The following KMT2A variants were observed in gnomAD, a reference collection of about 807,000 sequenced individuals.
KMT2A encodes the protein lysine methyltransferase 2A.
In KMT2A, 16 loss-of-function variants were observed where a neutral mutation model predicts 345.3. That is an observed-to-expected ratio of 0.05 (90% CI 0.03 to 0.07). The LOEUF is 0.07. Among genes scored for constraint, KMT2A ranks in the 10% least tolerant of loss-of-function variants. The pLI, the probability that KMT2A is intolerant of heterozygous loss-of-function variation, is 1.00. For missense variants in KMT2A, 3,272 were observed against 4,841.6 expected, an observed-to-expected ratio of 0.68 and a Z score of 9.62; for synonymous variants, 1,599 against 1,778.6, an observed-to-expected ratio of 0.90 and a Z score of 2.54.
intron 1 of KMT2A, among the ~76,000 whole-genome samples, chr11:118,447,410 A>C (rs1318101683): frequency 1.3e-5 from 2 of 152,252 alleles, no homozygotes; most frequent in Admixed American, 6.5e-5. Context: ...GGAGAACTTA[A>C]GACTACGAAC....
intron 10 of KMT2A, among the ~76,000 whole-genome samples, chr11:118,485,413 A>G (rs1555040600): frequency 6.6e-6 from 1 of 152,236 alleles, no homozygotes; most frequent in Non-Finnish European, 1.5e-5. Flanking sequence ...TCACAAAATT[A>G]GAAATAAATA....
intron 1 of KMT2A, among the ~76,000 whole-genome samples, chr11:118,463,340 GTCAA>G (rs1949782811): frequency 6.6e-6 from 1 of 152,150 alleles, no homozygotes; most frequent in African/African-American, 2.4e-5. Flanking sequence ...TGCTTGAGCT[GTCAA>G]TCATTGTAGC....
At position 118,436,923 on chromosome 11, in the gene KMT2A, C is replaced by T; in HGVS notation, c.411C>T (p.Gly137=). Residue 137 remains glycine, a synonymous_variant, in exon 1 of 36, where the codon GGC becomes GGT. Coordinates refer to ENST00000534358, the MANE Select transcript of KMT2A (RefSeq NM_001197104.2). The surrounding 1 kb of genome is among the most constrained non-coding windows in gnomAD (Gnocchi z 6.9). The part of the protein sequence containing the change: ...RRFRAVFGES[G]GGGGSGEDEQ... ...TCCGGGCCGTGTTTGGGGAGAGCGG[C>T]GGGGGAGGCGGCAGCGGAGAGGTAA... 6.5e-7 allele frequency: 1 copy of T among 1,547,594 alleles called. No individual in the cohort carries two copies. The highest frequency in any genetic ancestry group is 8.7e-7 in the Non-Finnish European group (1 of 1,144,378).
rs1555047196 is a variant in KMT2A at position 118,504,321 on chromosome 11, G to A, written c.8429G>A (p.Ser2810Asn). 1 of 1,614,170 alleles carries A rather than the reference G, an allele frequency of 6.2e-7. No individual in the cohort carries two copies. The highest frequency in any genetic ancestry group is 8.5e-7 in the Non-Finnish European group (1 of 1,180,032). Residue 2810 changes from serine (S) to asparagine (N), a missense_variant, in exon 27 of 36, where the codon AGC becomes AAC. This residue lies in a region of KMT2A where 100 missense variants were observed against 101.3 expected (regional missense o/e 0.99). Transcript: ENST00000534358. This position sits in a 1 kb window ranked among gnomAD's most constrained non-coding sequence, Gnocchi z 6.4. Reference sequence around the variant, plus strand: ...GCTCAGCTCAGCTCATTGGAGTCAAGCCGCAGAGTCCACACAAGTACCCCC... The same window carrying A: ...GCTCAGCTCAGCTCATTGGAGTCAAACCGCAGAGTCCACACAAGTACCCCC... ...LEAQLSSLESSRRVHTSTPSD... is the reference protein window; with the variant it reads ...LEAQLSSLESNRRVHTSTPSD...
intron 1 of KMT2A, chr11:118,450,024 A>G (rs541395847): frequency 6.6e-6 from 1 of 152,230 alleles, no homozygotes; most frequent in African/African-American, 2.4e-5. Context: ...TTTCTAGCCT[A>G]TTCAAATCAA....
intron 6 of KMT2A, 33 bp downstream of exon 6, chr11:118,480,271 C>G: frequency 7.7e-6 from 12 of 1,567,982 alleles, no homozygotes; most frequent in Non-Finnish European, 1.1e-5. Context: ...CCCCCAAATG[C>G]TCCTTGCTTA....
At chr11:118,437,107 A>G (rs1366753761) in intron 1 of KMT2A, among the ~76,000 whole-genome samples, 163 bp downstream of exon 1, 2 of 147,352 alleles carry the variant, frequency 1.4e-5, no homozygotes, top group Non-Finnish European at 3.0e-5. Flanking sequence ...GCAGGGCTGC[A>G]GACCCCCAGG....
chr11:118,499,240 A>G, intron 22 of KMT2A, 63 bp from the exon 23 acceptor site: 1 of 1,006,450 alleles, frequency 9.9e-7, no homozygotes, highest in Non-Finnish European at 1.6e-6. Context: ...TGAGACAGTC[A>G]GGATCATAAG....
chr11:118,462,022 T>C (rs7111656), intron 1 of KMT2A, among the ~76,000 whole-genome samples: 2,133 of 152,184 alleles, frequency 0.014, 53 homozygotes, highest in African/African-American at 0.048. Flanking sequence ...CGTGAGCTTT[T>C]GGCTCAATGC....
chr11:118,472,083 A>G lies in KMT2A; in HGVS notation c.924A>G (p.Ser308=), dbSNP rs1555035705. The G allele has an allele frequency of 6.2e-7, 1 of 1,613,822 alleles. No homozygotes were observed. The highest frequency in any genetic ancestry group is 1.1e-5 in the South Asian group (1 of 91,068). ...TACGACGGAGAGGAAGGCCTCCATC[A>G]ACAGAAAGGATAAAGACCCCTTCGG... is the stretch of plus-strand genomic sequence containing the variant. The part of the protein sequence containing the change: ...QIVRRRGRPP[S]TERIKTPSGL... Residue 308 remains serine, a synonymous_variant, in exon 3 of 36, where the codon TCA becomes TCG. Transcript: ENST00000534358.
At chr11:118,455,467 A>G (rs1341900482) in intron 1 of KMT2A, among the ~76,000 whole-genome samples, 1 of 152,050 alleles carries the variant, frequency 6.6e-6, no homozygotes, top group Non-Finnish European at 1.5e-5. Flanking sequence ...TGCCTTCTCT[A>G]CATTTGAGAA....
chr11:118,436,658 G>A lies in KMT2A; in HGVS notation c.146G>A (p.Gly49Asp), dbSNP rs1949186893. The change falls in exon 1 of 36, where the codon GGC becomes GAC. Residue 49 changes from glycine to aspartate, a missense_variant. Transcript: ENST00000534358. The surrounding 1 kb of genome is among the most constrained non-coding windows in gnomAD (Gnocchi z 6.9). ...LLPPGPPVGG[G>D]GPGAPPSPPA... ...CCCCCCGGGCCCCCGGTCGGCGGTG[G>A]CGGCCCCGGGGCGCCCCCCTCCCCC... 1 of 1,187,768 alleles carries A rather than the reference G, an allele frequency of 8.4e-7. No homozygotes were observed. Among genetic ancestry groups the A allele is most frequent in the Non-Finnish European group, 1.0e-6 (1 of 956,924 alleles). The allele number at this position is 1,187,768 out of a possible 1,614,324, so 73.6% of individuals were successfully genotyped here. A position where few individuals can be genotyped will look rare whatever the true frequency, so the allele number is the denominator to read the frequency against.
At chr11:118,460,836 T>C (rs1423110998) in intron 1 of KMT2A, among the ~76,000 whole-genome samples, 4 of 152,178 alleles carry the variant, frequency 2.6e-5, no homozygotes, top group African/African-American at 9.7e-5. Context: ...CCAGCTATTC[T>C]TTAGTGACAT....
chr11:118,450,420 C>A (rs1949512249), intron 1 of KMT2A: 2 of 152,144 alleles, frequency 1.3e-5, no homozygotes, highest in Admixed American at 1.3e-4. Flanking sequence ...AGCATCTTTG[C>A]TGCTTATTCT....
In KMT2A at chr11:118,472,919, C is replaced by T. The variant is rs2134264145; in HGVS notation, c.1760C>T (p.Pro587Leu). Residue 587 changes from proline (P) to leucine (L), a missense_variant, in exon 3 of 36, where the codon CCT becomes CTT. Around this residue, in one of 27 missense-constraint regions of KMT2A, gnomAD observed 180 missense variants for 190.7 expected, o/e 0.94. Transcript: ENST00000534358. ...TCTGACCACACACCTTGGCTTATGC[C>T]TCCAACAATCCCCTTAGCATCACCA... is the stretch of plus-strand genomic sequence containing the variant. Reference protein sequence around the residue: ...SISDHTPWLMPPTIPLASPFL... With the variant: ...SISDHTPWLMLPTIPLASPFL... 1 of 1,614,050 alleles carries T rather than the reference C, an allele frequency of 6.2e-7. No homozygotes were observed. Among genetic ancestry groups the T allele is most frequent in the Non-Finnish European group, 8.5e-7 (1 of 1,180,030 alleles).
intron 1 of KMT2A, among the ~76,000 whole-genome samples, chr11:118,451,084 A>G (rs1949525799): frequency 6.6e-6 from 1 of 152,262 alleles, no homozygotes; most frequent in Admixed American, 6.5e-5. Flanking sequence ...CAAAGTAAGA[A>G]ATAGAAATTG....
At chr11:118,460,805 T>C (rs532921889) in intron 1 of KMT2A, among the ~76,000 whole-genome samples, 1 of 152,178 alleles carries the variant, frequency 6.6e-6, no homozygotes, top group African/African-American at 2.4e-5. Context: ...TAGTTGGGAC[T>C]ACAGGCGCAC....
Position 118,494,368 on chromosome 11 carries a change from C to A in KMT2A, c.5259C>A (p.Ala1753=). ...GAGGACAGCCAGAAATTAAAAAAGC[C>A]AACAGCATGGTCAAGTCCTTCTTCA... ...SDGGQPEIKK[A]NSMVKSFFIR... Residue 1753 remains alanine (A), a synonymous_variant, in exon 17 of 36, where the codon GCC becomes GCA. Coordinates refer to ENST00000534358, the MANE Select transcript of KMT2A (RefSeq NM_001197104.2). This position sits in a 1 kb window ranked among gnomAD's most constrained non-coding sequence, Gnocchi z 5.8. 1 of 1,602,982 alleles carries A rather than the reference C, an allele frequency of 6.2e-7. No homozygotes were observed. The highest frequency in any genetic ancestry group is 1.3e-5 in the African/African-American group (1 of 74,790).
rs574062078 is a variant in KMT2A, at chr11:118,478,261, C to T, written c.3569+60C>T. The T allele has an allele frequency of 1.2e-4, 157 of 1,307,094 alleles. No individual in the cohort carries two copies. In the South Asian group the frequency reaches 2.0e-3, roughly 17 times the overall value. The allele number at this position is 1,307,094 out of a possible 1,614,324, so 81.0% of individuals were successfully genotyped here. A position where few individuals can be genotyped will look rare whatever the true frequency, so the allele number is the denominator to read the frequency against. Reference sequence around the variant, plus strand: ...TCAACCATAAAGGTTGCTTATTTATCCCTAGTTTGTTGCAGAGATACATCA... The same window carrying T: ...TCAACCATAAAGGTTGCTTATTTATTCCTAGTTTGTTGCAGAGATACATCA... On this transcript the variant is annotated intron_variant, in intron 5 of 35. Transcript: ENST00000534358.
Sources: gnomAD v4.1 joint callset for allele counts (sites outside exome capture counted in the v4.1 genomes callset) on GRCh38, gnomAD v4.1.1 for gene constraint, gnomAD v4.1.1 regional missense constraint, Gnocchi (gnomAD v3.1) non-coding constraint, MANE v1.5 for transcripts, NCBI Gene and HGNC (gene_info 2026-07-23, HGNC 2026-07-21) for gene names.